Variants in ASB18 observed in about 807,000 individuals in gnomAD.
The protein encoded by ASB18 is ankyrin repeat and SOCS box protein 18.
ASB18 carries 33 observed loss-of-function variants against 33.4 expected under a neutral mutation model. The observed-to-expected ratio is 0.99, with a 90% CI of 0.75 to 1.32. ASB18 has a LOEUF of 1.32. ASB18 is among the 40% of genes most tolerant of loss of function. The pLI, the probability that ASB18 is intolerant of heterozygous loss-of-function variation, is 0.00. For missense variants in ASB18, 694 were observed against 655.5 expected (o/e 1.06, Z -0.64); for synonymous variants, 295 against 307.6 (o/e 0.96, Z 0.43).
Position 236,202,814 on chromosome 2 carries a change from T to TATATATATACACACAC in ASB18, c.1102-6430_1102-6429insGTGTGTGTATATATAT, listed in dbSNP as rs1472095135. On this transcript the variant is annotated intron_variant, in intron 4 of 5. Transcript: ENST00000409749. Reference sequence around the variant, plus strand: ...AAAAAAATATATATATATATATATATACACACACCTATAGTTCTCTAAAAA... The same window carrying TATATATATACACACAC: ...AAAAAAATATATATATATATATATATATATATATACACACACACACACACCTATAGTTCTCTAAAAA... 5.2e-3 allele frequency among the ~76,000 whole-genome samples: 652 copies of TATATATATACACACAC among 126,076 alleles called. 4 individuals carry two copies. Among genetic ancestry groups the TATATATATACACACAC allele is most frequent in the East Asian group, 0.012 (51 of 4,190 alleles). 82.7% of individuals were successfully genotyped at this position (126,076 alleles called of 152,430 possible).
rs1249839977 is a variant in ASB18 at position 236,222,092 on chromosome 2, A to AT, written c.597-7227dup. The stretch of plus-strand genomic sequence containing the variant: ...TGGCTCTATGCCCCAGCTGACTCCG[A>AT]TGAAGGACGGGGAAGCCACAGCTCC... On this transcript the variant is annotated intron_variant, in intron 3 of 5. Coordinates refer to ENST00000409749, the MANE Select transcript of ASB18 (RefSeq NM_212556.4). The surrounding 1 kb of genome is among the most constrained non-coding windows in gnomAD (Gnocchi z 5.5). 6.6e-6 allele frequency among the ~76,000 whole-genome samples: 1 copy of AT among 152,148 alleles called. No homozygotes were observed. Among genetic ancestry groups the AT allele is most frequent in the African/African-American group, 2.4e-5 (1 of 41,438 alleles).
Position 236,237,615 on chromosome 2 carries a change from C to T in ASB18, c.596+74G>A. 1 of 1,121,528 alleles carries T rather than the reference C, an allele frequency of 8.9e-7. No individual in the cohort carries two copies. Among genetic ancestry groups the T allele is most frequent in the Non-Finnish European group, 1.1e-6 (1 of 908,122 alleles). The allele number at this position is 1,121,528 out of a possible 1,614,324, so 69.5% of individuals were successfully genotyped here. A position where few individuals can be genotyped will look rare whatever the true frequency, so the allele number is the denominator to read the frequency against. On this transcript the variant is annotated intron_variant, in intron 3 of 5. Transcript: ENST00000409749. The surrounding 1 kb of genome is among the most constrained non-coding windows in gnomAD (Gnocchi z 6.2). ...GGGACGGAGGCGGAGGCGGGGTCGG[C>T]GGTCTCGTGGGGGGAGGCGGGCGTC...
In ASB18 at chr2:236,211,396, G is replaced by A. The variant is rs911292167; in HGVS notation, c.1101+2966C>T. ...TCACTGCAGAGCACTGCGCCGGCTC[G>A]GAAGGATGCCCTGTGTCCGCCTGCC... On this transcript the variant is annotated intron_variant, in intron 4 of 5. Transcript: ENST00000409749. This position sits in a 1 kb window ranked among gnomAD's most constrained non-coding sequence, Gnocchi z 5.0. Among the ~76,000 whole-genome samples, 6 of 152,264 alleles carry A rather than the reference G, an allele frequency of 3.9e-5. No homozygotes were observed. The highest frequency in any genetic ancestry group is 5.9e-5 in the Non-Finnish European group (4 of 68,036).
In ASB18 at chr2:236,213,511, C is replaced by A. The variant is rs2060468500; in HGVS notation, c.1101+851G>T. Among the ~76,000 whole-genome samples, 1 of 152,024 alleles carries A rather than the reference C, an allele frequency of 6.6e-6. No homozygotes were observed. Among genetic ancestry groups the A allele is most frequent in the Non-Finnish European group, 1.5e-5 (1 of 68,016 alleles). On this transcript the variant is annotated intron_variant, in intron 4 of 5. Coordinates refer to ENST00000409749, the MANE Select transcript of ASB18 (RefSeq NM_212556.4). This position sits in a 1 kb window ranked among gnomAD's most constrained non-coding sequence, Gnocchi z 4.8. ...GAGATAATTTTTAAATTAAACACACCCGGATTTTACATCTAATGGAATGAC... is the reference window on the plus strand; with the variant it reads ...GAGATAATTTTTAAATTAAACACACACGGATTTTACATCTAATGGAATGAC...
rs999504356 is a variant in ASB18, at chr2:236,208,393, A to G, written c.1101+5969T>C. 2.0e-5 allele frequency among the ~76,000 whole-genome samples: 3 copies of G among 152,050 alleles called. No homozygotes were observed. Among genetic ancestry groups the G allele is most frequent in the Non-Finnish European group, 2.9e-5 (2 of 68,020 alleles). On this transcript the variant is annotated intron_variant, in intron 4 of 5. Coordinates refer to ENST00000409749, the MANE Select transcript of ASB18 (RefSeq NM_212556.4). This position sits in a 1 kb window ranked among gnomAD's most constrained non-coding sequence, Gnocchi z 7.7. ...TGTTGGGAAAAAAATCACGCCATTA[A>G]GAAGGACTCACGCTGGACCCCTCGG...
chr2:236,230,022 CAATA>C (rs558320153), intron 3 of ASB18, among the ~76,000 whole-genome samples: 1 of 151,840 alleles, frequency 6.6e-6, no homozygotes, highest in Non-Finnish European at 1.5e-5. Flanking sequence ...CTCAACTCTA[CAATA>C]AATAAATAAG....
intron 3 of ASB18, among the ~76,000 whole-genome samples, chr2:236,230,921 C>T (rs991418141): frequency 3.3e-5 from 5 of 151,914 alleles, no homozygotes; most frequent in East Asian, 1.9e-4. Flanking sequence ...CAGAGACTGT[C>T]AGATTGGATT....
rs1172905130 is a variant in ASB18, at chr2:236,208,945, G to C, written c.1101+5417C>G. ...GAAAATTAAGGGGAAAAATCACACA[G>C]GCACATTGCTTTATATGTAGATGGA... is the stretch of plus-strand genomic sequence containing the variant. On this transcript the variant is annotated intron_variant, in intron 4 of 5. Coordinates refer to ENST00000409749, the MANE Select transcript of ASB18 (RefSeq NM_212556.4). This position sits in a 1 kb window ranked among gnomAD's most constrained non-coding sequence, Gnocchi z 7.7. Among the ~76,000 whole-genome samples the C allele has an allele frequency of 6.6e-6, 1 of 152,148 alleles. No homozygotes were observed. Among genetic ancestry groups the C allele is most frequent in the Non-Finnish European group, 1.5e-5 (1 of 68,044 alleles).
chr2:236,213,307 A>C lies in ASB18; in HGVS notation c.1101+1055T>G, dbSNP rs2060467659. Reference sequence around the variant, plus strand: ...TTCTAACCTTTCAGAGGCACAGTCTACTCTGAACGCATCTATAATGGAAAG... The same window carrying C: ...TTCTAACCTTTCAGAGGCACAGTCTCCTCTGAACGCATCTATAATGGAAAG... On this transcript the variant is annotated intron_variant, in intron 4 of 5. Transcript: ENST00000409749. The surrounding 1 kb of genome is among the most constrained non-coding windows in gnomAD (Gnocchi z 4.8). 6.6e-6 allele frequency among the ~76,000 whole-genome samples: 1 copy of C among 151,944 alleles called. No homozygotes were observed. Among genetic ancestry groups the C allele is most frequent in the East Asian group, 1.9e-4 (1 of 5,184 alleles).
rs1025839159 is a variant in ASB18, at chr2:236,211,544, G to A, written c.1101+2818C>T. Among the ~76,000 whole-genome samples the A allele has an allele frequency of 1.3e-5, 2 of 152,174 alleles. No homozygotes were observed. The highest frequency in any genetic ancestry group is 2.9e-5 in the Non-Finnish European group (2 of 68,038). ...GTCTCTTTACATCTATTCACAGTAC[G>A]GCTGCTGCCCACGGACGGCTTGCCC... On this transcript the variant is annotated intron_variant, in intron 4 of 5. Transcript: ENST00000409749. The surrounding 1 kb of genome is among the most constrained non-coding windows in gnomAD (Gnocchi z 5.0).
chr2:236,217,752 T>A lies in ASB18; in HGVS notation c.597-2886A>T, dbSNP rs552552720. Among the ~76,000 whole-genome samples the A allele has an allele frequency of 7.3e-4, 111 of 152,336 alleles. No individual in the cohort carries two copies. The highest frequency in any genetic ancestry group is 2.6e-3 in the African/African-American group (110 of 41,572). ...TCTCGTTTCTACATCAGCAGTGTCT[T>A]GAGAAGTGGTCTGTCTTGAGTGAAA... On this transcript the variant is annotated intron_variant, in intron 3 of 5. Transcript: ENST00000409749. The surrounding 1 kb of genome is among the most constrained non-coding windows in gnomAD (Gnocchi z 5.2).
Position 236,214,648 on chromosome 2 carries a change from C to T in ASB18, c.815G>A (p.Cys272Tyr). 8.6e-7 allele frequency: 1 copy of T among 1,162,072 alleles called. No individual in the cohort carries two copies. The highest frequency in any genetic ancestry group is 1.1e-6 in the Non-Finnish European group (1 of 944,758). 72.0% of individuals were successfully genotyped at this position (1,162,072 alleles called of 1,614,324 possible). A position where few individuals can be genotyped will look rare whatever the true frequency, so the allele number is the denominator to read the frequency against. ...AARRPDEHGR[C>Y]LRLCALLLRR... ...CAGCAGCAGCGCGCACAGGCGCAGGCAGCGCCCGTGCTCGTCGGGCCTCCG... is the reference window on the plus strand; with the variant it reads ...CAGCAGCAGCGCGCACAGGCGCAGGTAGCGCCCGTGCTCGTCGGGCCTCCG... Residue 272 changes from cysteine (C) to tyrosine (Y), a missense_variant, in exon 4 of 6, where the codon TGC (cysteine) becomes TAC (tyrosine). Transcript: ENST00000409749. The surrounding 1 kb of genome is among the most constrained non-coding windows in gnomAD (Gnocchi z 6.5).
In ASB18 at chr2:236,203,347, G is replaced by A. The variant is rs563235778; in HGVS notation, c.1102-6962C>T. Among the ~76,000 whole-genome samples, 1 of 152,300 alleles carries A rather than the reference G, an allele frequency of 6.6e-6. No individual in the cohort carries two copies. The highest frequency in any genetic ancestry group is 2.4e-5 in the African/African-American group (1 of 41,574). On this transcript the variant is annotated intron_variant, in intron 4 of 5. Transcript: ENST00000409749. This position sits in a 1 kb window ranked among gnomAD's most constrained non-coding sequence, Gnocchi z 6.0. ...AAGGCATGGAGAGTTCTGGGGACAA[G>A]AGTGTTCTAGGCAGAGAAAACGTAT...
In ASB18 at chr2:236,225,635, G is replaced by A. The variant is rs184604475; in HGVS notation, c.597-10769C>T. 6.6e-5 allele frequency among the ~76,000 whole-genome samples: 10 copies of A among 152,224 alleles called. No individual in the cohort carries two copies. Among genetic ancestry groups the A allele is most frequent in the East Asian group, 1.9e-4 (1 of 5,180 alleles). On this transcript the variant is annotated intron_variant, in intron 3 of 5. Coordinates refer to ENST00000409749, the MANE Select transcript of ASB18 (RefSeq NM_212556.4). This position sits in a 1 kb window ranked among gnomAD's most constrained non-coding sequence, Gnocchi z 5.1. Reference sequence around the variant, plus strand: ...AGAGGAATCTGATAACAAATAGGGCGAGGCTGGCATGCAGGCTGCTAATGT... The same window carrying A: ...AGAGGAATCTGATAACAAATAGGGCAAGGCTGGCATGCAGGCTGCTAATGT...
Position 236,194,856 on chromosome 2 carries a change from T to G in ASB18, c.*16A>C. 1.2e-6 allele frequency: 2 copies of G among 1,607,368 alleles called. No individual in the cohort carries two copies. The highest frequency in any genetic ancestry group is 1.7e-6 in the Non-Finnish European group (2 of 1,176,158). On this transcript the variant is annotated 3_prime_UTR_variant, in exon 6 of 6. Transcript: ENST00000409749. This position sits in a 1 kb window ranked among gnomAD's most constrained non-coding sequence, Gnocchi z 4.5. ...CAGCGAGGAGAACAACAGTATTGGT[T>G]GCAGCGTTCTGCGTTTCAGTGCAAA...
chr2:236,243,813 CAT>C (rs1378410228), intron 1 of ASB18, among the ~76,000 whole-genome samples: 2 of 152,094 alleles, frequency 1.3e-5, no homozygotes, highest in Admixed American at 6.5e-5. Context: ...TTTCTTGTAA[CAT>C]AAATAATATG....
In ASB18 at chr2:236,195,127, A is replaced by C. The variant is rs553754535; in HGVS notation, c.1216-70T>G. 2.4e-4 allele frequency: 336 copies of C among 1,414,122 alleles called. 6 individuals carry two copies. The South Asian group carries it at 4.4e-3, about 19-fold the overall frequency. 87.6% of individuals were successfully genotyped at this position (1,414,122 alleles called of 1,614,324 possible). On this transcript the variant is annotated intron_variant, in intron 5 of 5. Coordinates refer to ENST00000409749, the MANE Select transcript of ASB18 (RefSeq NM_212556.4). The surrounding 1 kb of genome is among the most constrained non-coding windows in gnomAD (Gnocchi z 5.5). The stretch of plus-strand genomic sequence containing the variant: ...CAACATACGTTTTCTTCTTAGCCAG[A>C]CCACTGATGGTACAAGCGGGCTTTT...
chr2:236,201,132 T>C (rs978081745), intron 4 of ASB18, among the ~76,000 whole-genome samples: 4 of 151,630 alleles, frequency 2.6e-5, no homozygotes, highest in African/African-American at 9.7e-5. Context: ...CCTTCCTTCC[T>C]TCCCTCCTTC....
At position 236,251,701 on chromosome 2, in the gene ASB18, GA is replaced by G. The variant is rs1203922503; in HGVS notation, c.206-10300del. 1.3e-5 allele frequency among the ~76,000 whole-genome samples: 2 copies of G among 151,888 alleles called. No individual in the cohort carries two copies. Among genetic ancestry groups the G allele is most frequent in the Non-Finnish European group, 2.9e-5 (2 of 67,956 alleles). Reference sequence around the variant, plus strand: ...CTTTAAACTTCCAACGGAAAAACAGGAAAAAAAATGATAAGAACTGTAAGTG... The same window carrying G: ...CTTTAAACTTCCAACGGAAAAACAGGAAAAAAATGATAAGAACTGTAAGTG... On this transcript the variant is annotated intron_variant, in intron 1 of 5. Coordinates refer to ENST00000409749, the MANE Select transcript of ASB18 (RefSeq NM_212556.4). The surrounding 1 kb of genome is among the most constrained non-coding windows in gnomAD (Gnocchi z 5.3).
Sources: allele counts gnomAD v4.1 joint callset (sites outside exome capture counted in the v4.1 genomes callset), GRCh38; gene constraint gnomAD v4.1.1; non-coding constraint Gnocchi (gnomAD v3.1); transcripts MANE v1.5; gene names NCBI Gene and HGNC (gene_info 2026-07-23, HGNC 2026-07-21).